Variants in SPHKAP observed in about 807,000 individuals in gnomAD.
The protein encoded by SPHKAP is A-kinase anchor protein SPHKAP.
A neutral mutation model predicts 137.5 loss-of-function variants in SPHKAP; 67 were observed. That is an observed-to-expected ratio of 0.49 (90% confidence interval 0.40 to 0.60). SPHKAP has a LOEUF of 0.60. Ranked by LOEUF, SPHKAP falls within the 20% of genes least tolerant of loss-of-function variation. The pLI, the probability that SPHKAP is intolerant of heterozygous loss-of-function variation, is 0.00. For missense variants in SPHKAP, 2,097 were observed against 2,069.3 expected, an observed-to-expected ratio of 1.01 and a Z score of -0.26; for synonymous variants, 813 against 785.3, an observed-to-expected ratio of 1.04 and a Z score of -0.59.
intron 1 of SPHKAP, among the ~76,000 whole-genome samples, chr2:228,170,634 G>GT (rs869083518): frequency 6.6e-6 from 1 of 151,926 alleles, no homozygotes; most frequent in Non-Finnish European, 1.5e-5. Context: ...TTTTAATATA[G>GT]TTTTTTTAAA....
chr2:228,050,194 A>T (rs1273767868), intron 3 of SPHKAP, among the ~76,000 whole-genome samples: 1 of 152,220 alleles, frequency 6.6e-6, no homozygotes, highest in Non-Finnish European at 1.5e-5. Context: ...AAAATAGCAG[A>T]TGTCAGGGCT....
intron 7 of SPHKAP, among the ~76,000 whole-genome samples, chr2:227,999,553 C>G (rs1206461451): frequency 2.6e-5 from 4 of 152,124 alleles, no homozygotes; most frequent in Non-Finnish European, 2.9e-5. Context: ...TTATTAGAAA[C>G]ATTTATTCCA....
intron 3 of SPHKAP, among the ~76,000 whole-genome samples, chr2:228,063,166 A>ATCTGTCTGTCTGTCTG (rs1405083236): frequency 6.0e-4 from 85 of 142,006 alleles, no homozygotes; most frequent in African/African-American, 2.4e-3. Context: ...CTATCTATCT[A>ATCTGTCTGTCTGTCTG]TCTATCTATC....
At chr2:228,044,583 C>A (rs555950437) in intron 3 of SPHKAP, among the ~76,000 whole-genome samples, 19 of 151,440 alleles carry the variant, frequency 1.3e-4, no homozygotes, top group Admixed American at 1.1e-3. Context: ...ACTCACTTTT[C>A]AAAAAAAATG....
At chr2:228,136,869 G>T (rs1192546033) in intron 1 of SPHKAP, among the ~76,000 whole-genome samples, 1 of 151,454 alleles carries the variant, frequency 6.6e-6, no homozygotes, top group Non-Finnish European at 1.5e-5. Context: ...ATATCCTCAT[G>T]ATATTACTTC....
intron 1 of SPHKAP, among the ~76,000 whole-genome samples, chr2:228,176,346 A>G (rs913571802): frequency 6.6e-6 from 1 of 152,186 alleles, no homozygotes; most frequent in Admixed American, 6.5e-5. Context: ...AGAGTAAGAC[A>G]TTTATCTGTA....
At chr2:228,159,730 G>A (rs1282338748) in intron 1 of SPHKAP, among the ~76,000 whole-genome samples, 1 of 152,158 alleles carries the variant, frequency 6.6e-6, no homozygotes. Context: ...GACATATTAA[G>A]GTCATCTTCT....
intron 9 of SPHKAP, 90 bp from the exon 10 acceptor site, chr2:227,991,416 A>G: frequency 6.2e-7 from 1 of 1,600,864 alleles, no homozygotes; most frequent in Admixed American, 1.7e-5. Flanking sequence ...ACTGATCTAA[A>G]AGCTTCTGAA....
intron 3 of SPHKAP, among the ~76,000 whole-genome samples, chr2:228,076,519 AT>A (rs905564687): frequency 1.3e-5 from 2 of 152,152 alleles, no homozygotes; most frequent in Non-Finnish European, 2.9e-5. Context: ...CTTGTTGGGA[AT>A]TGGAGCAAAG....
intron 9 of SPHKAP, among the ~76,000 whole-genome samples, chr2:227,992,977 G>A (rs1283848012): frequency 2.0e-5 from 3 of 152,234 alleles, no homozygotes; most frequent in Non-Finnish European, 4.4e-5. Flanking sequence ...ATTTTAGGAT[G>A]TATGTACTTC....
In SPHKAP at chr2:228,117,950, T is replaced by A. The variant is rs140119784; in HGVS notation, c.139-9011A>T. Reference sequence around the variant, plus strand: ...CAAATTAAGGGAAAAAATTGTGACATACTAAGAGATAAAAAGACAATATTT... The same window carrying A: ...CAAATTAAGGGAAAAAATTGTGACAAACTAAGAGATAAAAAGACAATATTT... On this transcript the variant is annotated intron_variant, in intron 2 of 11. Transcript: ENST00000392056. 3.6e-3 allele frequency among the ~76,000 whole-genome samples: 553 copies of A among 151,760 alleles called. 1 individual carries two copies. The highest frequency in any genetic ancestry group is 5.7e-3 in the Non-Finnish European group (389 of 67,914).
intron 4 of SPHKAP, among the ~76,000 whole-genome samples, chr2:228,026,965 C>T (rs940161544): frequency 6.6e-6 from 1 of 152,204 alleles, no homozygotes; most frequent in South Asian, 2.1e-4. Context: ...CTTAATTCTT[C>T]CCATTGTATC....
intron 11 of SPHKAP, among the ~76,000 whole-genome samples, chr2:227,985,917 G>T (rs1283028441): frequency 6.6e-6 from 1 of 152,176 alleles, no homozygotes; most frequent in Non-Finnish European, 1.5e-5. Context: ...TAAGTGAGTT[G>T]GTCCCTATAT....
intron 5 of SPHKAP, among the ~76,000 whole-genome samples, chr2:228,023,674 G>A (rs1341841429): frequency 6.6e-6 from 1 of 152,096 alleles, no homozygotes; most frequent in Non-Finnish European, 1.5e-5. Context: ...AGTGCCTATT[G>A]TATGCAAATT....
chr2:228,161,416 C>A (rs1271934171), intron 1 of SPHKAP, among the ~76,000 whole-genome samples: 2 of 152,122 alleles, frequency 1.3e-5, no homozygotes, highest in Admixed American at 1.3e-4. Flanking sequence ...TTTCAGCCAT[C>A]AGTGAAGAAA....
chr2:227,996,273 C>T (rs1173662162), intron 7 of SPHKAP: 6 of 225,914 alleles, frequency 2.7e-5, no homozygotes, highest in South Asian at 1.7e-4. Context: ...TATCTCCTCC[C>T]TCTGAAACCC....
intron 2 of SPHKAP, among the ~76,000 whole-genome samples, chr2:228,121,872 G>T (rs1411759859): frequency 6.6e-6 from 1 of 152,078 alleles, no homozygotes; most frequent in East Asian, 1.9e-4. Context: ...CTGAAAACTG[G>T]CACTTTAATC....
intron 3 of SPHKAP, among the ~76,000 whole-genome samples, chr2:228,041,665 A>G (rs1321379001): frequency 6.9e-6 from 1 of 144,934 alleles, no homozygotes; most frequent in African/African-American, 2.6e-5. Context: ...AAAAAAAAAA[A>G]GAAAAAAGAA....
At chr2:228,137,045 A>C (rs1040719251) in intron 1 of SPHKAP, among the ~76,000 whole-genome samples, 1 of 152,008 alleles carries the variant, frequency 6.6e-6, no homozygotes, top group Non-Finnish European at 1.5e-5. Flanking sequence ...ATGCACACAC[A>C]AACACACTTA....
Sources: gnomAD v4.1 joint callset for allele counts (sites outside exome capture counted in the v4.1 genomes callset) on GRCh38, gnomAD v4.1.1 for gene constraint, MANE v1.5 for transcripts, NCBI Gene and HGNC (gene_info 2026-07-23, HGNC 2026-07-21) for gene names.